Variants in RGS22 observed in about 807,000 individuals in gnomAD.
RGS22 encodes regulator of G-protein signaling 22.
Under a neutral mutation model 172.9 loss-of-function variants are expected in RGS22, and 148 were observed. The ratio of observed to expected loss-of-function variants is 0.86; its 90% CI spans 0.75 to 0.98. The LOEUF is 0.98. Among genes scored for constraint, RGS22 ranks in the 50% least tolerant of loss-of-function variants. The probability of loss-of-function intolerance (pLI) is 0.00; values close to 1 mark genes in which losing one functional copy is unlikely to be tolerated. For synonymous variants in RGS22, 458 were observed against 480.2 expected, an observed-to-expected ratio of 0.95 and a Z score of 0.60; for missense variants, 1,347 against 1,440.8, an observed-to-expected ratio of 0.93 and a Z score of 1.05.
chr8:100,024,619 T>G (rs1817974335), intron 14 of RGS22, among the ~76,000 whole-genome samples: 1 of 152,172 alleles, frequency 6.6e-6, no homozygotes, highest in Non-Finnish European at 1.5e-5. Flanking sequence ...AAAGATAGTT[T>G]AAGATATTAA....
chr8:99,974,398 T>C (rs182553899), intron 23 of RGS22, among the ~76,000 whole-genome samples: 106 of 152,298 alleles, frequency 7.0e-4, no homozygotes, highest in African/African-American at 1.9e-3. Context: ...AACCCTTCCA[T>C]GGAACATTTT....
intron 14 of RGS22, 76 bp from the exon 15 acceptor site, chr8:100,008,645 T>C (rs1464832022): frequency 2.4e-5 from 28 of 1,161,298 alleles, no homozygotes; most frequent in Non-Finnish European, 3.3e-5. Context: ...AACATAGGCA[T>C]TTTTTAAAAA....
At chr8:100,072,754 G>GTGTA (rs1410822545) in intron 4 of RGS22, among the ~76,000 whole-genome samples, 2 of 152,206 alleles carry the variant, frequency 1.3e-5, no homozygotes. Flanking sequence ...AAATACTACA[G>GTGTA]TGTAGGCTTC....
rs1047332550 is a variant in RGS22, at chr8:100,043,672, C to T, written c.1824-1756G>A. On this transcript the variant is annotated intron_variant, in intron 11 of 27. Coordinates refer to ENST00000360863, the MANE Select transcript of RGS22 (RefSeq NM_015668.5). ...GCACCTGTAATCCCAGCTGCTTGGGCGGCTGAGGCAGGAGAATCGCTTGAA... is the reference window on the plus strand; with the variant it reads ...GCACCTGTAATCCCAGCTGCTTGGGTGGCTGAGGCAGGAGAATCGCTTGAA... Among the ~76,000 whole-genome samples, 9 of 151,720 alleles carry T rather than the reference C, an allele frequency of 5.9e-5. No individual in the cohort carries two copies. In the South Asian group the frequency reaches 1.3e-3, roughly 21 times the overall value.
chr8:100,016,693 C>T (rs113386323), intron 14 of RGS22, among the ~76,000 whole-genome samples: 5,027 of 152,152 alleles, frequency 0.033, 126 homozygotes, highest in East Asian at 0.11. Flanking sequence ...AGGAGAATGG[C>T]GTGAACCCGG....
intron 6 of RGS22, among the ~76,000 whole-genome samples, chr8:100,070,973 A>T (rs1185741121): frequency 2.6e-5 from 4 of 152,080 alleles, no homozygotes; most frequent in African/African-American, 9.7e-5. Flanking sequence ...CTGTTCAGGT[A>T]ATACAAATGC....
At chr8:99,963,073 T>C in intron 24 of RGS22, 95 bp from the exon 25 acceptor site, 1 of 1,014,710 alleles carries the variant, frequency 9.9e-7, no homozygotes, top group Non-Finnish European at 1.4e-6. Flanking sequence ...TCATTTAAAT[T>C]TTTATTAAAG....
intron 4 of RGS22, among the ~76,000 whole-genome samples, chr8:100,079,483 T>C (rs536841966): frequency 1.3e-5 from 2 of 152,368 alleles, no homozygotes; most frequent in South Asian, 4.1e-4. Context: ...TTAGCCTGGT[T>C]ATACTAGACA....
In RGS22 at chr8:100,080,273, T is replaced by C. The variant is rs553173991; in HGVS notation, c.200A>G (p.Gln67Arg). ...ANDAPQFLEK[Q>R]LKKILQNQQP... ...CTGGTTTTGTAGAATTTTTTTCAGTTGTTTTTCCAGAAATTGTGGAGCATC... is the reference window on the plus strand; with the variant it reads ...CTGGTTTTGTAGAATTTTTTTCAGTCGTTTTTCCAGAAATTGTGGAGCATC... Residue 67 changes from glutamine (Q) to arginine (R), a missense_variant, in exon 4 of 28, where the codon CAA becomes CGA. Transcript: ENST00000360863. The C allele has an allele frequency of 6.2e-7, 1 of 1,613,960 alleles. No individual in the cohort carries two copies. Among genetic ancestry groups the C allele is most frequent in the African/African-American group, 1.3e-5 (1 of 75,054 alleles).
At chr8:100,071,324 G>A (rs759204392) in intron 6 of RGS22, 45 bp downstream of exon 6, 1 of 1,465,240 alleles carries the variant, frequency 6.8e-7, no homozygotes, top group South Asian at 1.3e-5. Flanking sequence ...AAAATCAGAA[G>A]TGTTAGTGAA....
intron 14 of RGS22, among the ~76,000 whole-genome samples, chr8:100,021,267 T>C (rs1817576594): frequency 6.6e-6 from 1 of 152,176 alleles, no homozygotes; most frequent in African/African-American, 2.4e-5. Flanking sequence ...TTTAAAAAAA[T>C]ATACAGTAAA....
At chr8:100,082,666 A>C (rs1488425058) in intron 3 of RGS22, among the ~76,000 whole-genome samples, 1 of 152,214 alleles carries the variant, frequency 6.6e-6, no homozygotes, top group Non-Finnish European at 1.5e-5. Context: ...GGTTATGGAA[A>C]CAAGTCTGTC....
chr8:100,036,154 A>C (rs1355558525), intron 14 of RGS22, among the ~76,000 whole-genome samples: 8 of 151,456 alleles, frequency 5.3e-5, no homozygotes, highest in Non-Finnish European at 8.8e-5. Context: ...AAAATCTCCA[A>C]ATTAAAAAAA....
intron 23 of RGS22, among the ~76,000 whole-genome samples, chr8:99,973,793 C>A (rs1419649136): frequency 6.6e-6 from 1 of 151,058 alleles, no homozygotes; most frequent in Non-Finnish European, 1.5e-5. Context: ...CGCTTGAACC[C>A]TGGAGGCAGA....
chr8:99,976,564 T>C (rs888077047), intron 23 of RGS22, among the ~76,000 whole-genome samples: 1 of 152,134 alleles, frequency 6.6e-6, no homozygotes, highest in Non-Finnish European at 1.5e-5. Flanking sequence ...GGTTTCACCG[T>C]GTTAGCCAGG....
At chr8:99,980,754 C>T (rs141037261) in intron 22 of RGS22, among the ~76,000 whole-genome samples, 15 of 152,196 alleles carry the variant, frequency 9.9e-5, no homozygotes, top group African/African-American at 2.4e-4. Context: ...ATACCAGAAC[C>T]GAAAGGTATC....
At chr8:100,042,732 A>G (rs543977597) in intron 11 of RGS22, 1 of 152,322 alleles carries the variant, frequency 6.6e-6, no homozygotes, top group East Asian at 1.9e-4. Flanking sequence ...TTCTCACACA[A>G]AATGTATGTA....
intron 24 of RGS22, among the ~76,000 whole-genome samples, chr8:99,964,841 C>T (rs550753253): frequency 1.1e-4 from 17 of 152,198 alleles, no homozygotes; most frequent in East Asian, 1.9e-4. Flanking sequence ...GTTAAACATA[C>T]GACATTTCAG....
chr8:100,099,115 C>A (rs1000581908), intron 2 of RGS22, among the ~76,000 whole-genome samples: 1 of 151,812 alleles, frequency 6.6e-6, no homozygotes, highest in African/African-American at 2.4e-5. Flanking sequence ...GGGGTTTCAC[C>A]ATGTTGGCCA....
Sources: allele counts gnomAD v4.1 joint callset (sites outside exome capture counted in the v4.1 genomes callset), GRCh38; gene constraint gnomAD v4.1.1; transcripts MANE v1.5; gene names NCBI Gene and HGNC (gene_info 2026-07-23, HGNC 2026-07-21).